SNX29: variants seen among roughly 807,000 people sequenced by gnomAD.
SNX29 encodes sorting nexin-29.
A neutral mutation model predicts 102.1 loss-of-function variants in SNX29; 78 were observed. That is an observed-to-expected ratio of 0.76 (90% CI 0.64 to 0.92). The LOEUF (loss-of-function observed/expected upper bound fraction) is 0.92. SNX29 is among the 40% of genes least tolerant of loss of function. The pLI is 0.00. For missense variants in SNX29, 1,280 were observed against 1,061.7 expected (o/e 1.21, Z -2.86); for synonymous variants, 580 against 414.5 (o/e 1.40, Z -4.85).
intron 15 of SNX29, 36 bp from the exon 16 acceptor site, chr16:12,356,127 G>C: frequency 2.5e-6 from 4 of 1,584,980 alleles, no homozygotes; most frequent in Non-Finnish European, 3.4e-6. Flanking sequence ...GGGAATGTCT[G>C]CCTCTAAGCC....
intron 13 of SNX29, among the ~76,000 whole-genome samples, chr16:12,142,822 A>C (rs2054913429): frequency 6.6e-6 from 1 of 151,802 alleles, no homozygotes; most frequent in Non-Finnish European, 1.5e-5. Context: ...CGGCCTCCCA[A>C]AGTGCTGGGA....
At chr16:12,051,440 A>G (rs1187675864) in intron 7 of SNX29, among the ~76,000 whole-genome samples, 1 of 152,082 alleles carries the variant, frequency 6.6e-6, no homozygotes, top group Non-Finnish European at 1.5e-5. Context: ...GCAAAGGGGC[A>G]TTGCACAGGA....
intron 2 of SNX29, 85 bp from the exon 3 acceptor site, chr16:12,002,905 AC>A: frequency 6.7e-7 from 1 of 1,494,882 alleles, no homozygotes; most frequent in Non-Finnish European, 9.3e-7. Context: ...CCCCTCCCTG[AC>A]CCTTAAGCCC....
intron 19 of SNX29, among the ~76,000 whole-genome samples, chr16:12,479,826 T>C (rs987068698): frequency 3.3e-5 from 5 of 152,172 alleles, no homozygotes; most frequent in African/African-American, 7.2e-5. Flanking sequence ...GGAATCTGCC[T>C]GTGTCTTGTG....
Position 12,539,124 on chromosome 16 carries a change from T to A in SNX29, c.2318+14283T>A, listed in dbSNP as rs1007601795. Among the ~76,000 whole-genome samples the A allele has an allele frequency of 4.6e-5, 7 of 151,754 alleles. No homozygotes were observed. In the East Asian group the frequency reaches 5.8e-4, roughly 13 times the overall value. On this transcript the variant is annotated intron_variant, in intron 20 of 20. Coordinates refer to ENST00000566228, the MANE Select transcript of SNX29 (RefSeq NM_032167.5). Reference sequence around the variant, plus strand: ...TACTTGCCTTTACTTTCACAAAAAATTTTTAATTTACACAGTGCAATTGAC... The same window carrying A: ...TACTTGCCTTTACTTTCACAAAAAAATTTTAATTTACACAGTGCAATTGAC...
intron 19 of SNX29, among the ~76,000 whole-genome samples, chr16:12,507,707 G>A (rs960176625): frequency 2.0e-5 from 3 of 152,120 alleles, no homozygotes; most frequent in Admixed American, 6.6e-5. Flanking sequence ...CTTCTTATGA[G>A]AAAACTCCAG....
At chr16:12,012,049 T>C (rs1190274696) in intron 3 of SNX29, among the ~76,000 whole-genome samples, 1 of 152,184 alleles carries the variant, frequency 6.6e-6, no homozygotes, top group Non-Finnish European at 1.5e-5. Context: ...TCAACAGGTA[T>C]TTATTTATAG....
chr16:12,415,878 G>A (rs2084615086), intron 18 of SNX29, among the ~76,000 whole-genome samples: 1 of 152,168 alleles, frequency 6.6e-6, no homozygotes, highest in Non-Finnish European at 1.5e-5. Flanking sequence ...GGAAAGGGAT[G>A]CCTCTTAAAC....
chr16:12,284,291 C>T (rs554654738), intron 15 of SNX29, among the ~76,000 whole-genome samples: 1 of 152,394 alleles, frequency 6.6e-6, no homozygotes, highest in South Asian at 2.1e-4. Flanking sequence ...CCTAACCTCT[C>T]TAAGCCTCAA....
intron 19 of SNX29, among the ~76,000 whole-genome samples, chr16:12,495,415 T>A (rs1397953302): frequency 6.6e-6 from 1 of 152,174 alleles, no homozygotes; most frequent in South Asian, 2.1e-4. Flanking sequence ...CCCCAAGTGC[T>A]GGGATTACAG....
intron 18 of SNX29, among the ~76,000 whole-genome samples, chr16:12,416,551 G>T (rs2084646308): frequency 6.6e-6 from 1 of 152,014 alleles, no homozygotes; most frequent in Non-Finnish European, 1.5e-5. Flanking sequence ...GTTTTGTGTG[G>T]CTGTGAAGGA....
chr16:12,064,233 C>T (rs1246624860), intron 9 of SNX29, among the ~76,000 whole-genome samples: 5 of 152,098 alleles, frequency 3.3e-5, no homozygotes, highest in Admixed American at 3.3e-4. Context: ...TGCCGCTTAG[C>T]TGGGCCTCCT....
intron 13 of SNX29, among the ~76,000 whole-genome samples, chr16:12,176,060 T>C (rs557118054): frequency 6.6e-6 from 1 of 152,090 alleles, no homozygotes; most frequent in South Asian, 2.1e-4. Flanking sequence ...GGGGACACAC[T>C]GGCAGAGAGA....
rs563854163 is a variant in SNX29, at chr16:12,228,845, C to T, written c.1678+29162C>T. Among the ~76,000 whole-genome samples the T allele has an allele frequency of 1.2e-3, 184 of 152,342 alleles. 1 individual carries two copies. Among genetic ancestry groups the T allele is most frequent in the Non-Finnish European group, 2.0e-3 (136 of 68,042 alleles). ...ACTTGATTTGCCTGAGGCCACATGG[C>T]GAGTCAAGAGCCAGAGGGACTTCAT... On this transcript the variant is annotated intron_variant, in intron 14 of 20. Transcript: ENST00000566228.
chr16:12,056,829 T>C (rs2050540633), intron 8 of SNX29, among the ~76,000 whole-genome samples: 1 of 152,148 alleles, frequency 6.6e-6, no homozygotes, highest in South Asian at 2.1e-4. Context: ...TTTTGTTTCT[T>C]TGTTTGTTTT....
chr16:12,533,021 C>T (rs2076973633), intron 20 of SNX29, among the ~76,000 whole-genome samples: 1 of 152,178 alleles, frequency 6.6e-6, no homozygotes, highest in Non-Finnish European at 1.5e-5. Flanking sequence ...GGGAGAGTGC[C>T]ACCAACAAGT....
chr16:12,559,396 C>T (rs2078581602), intron 20 of SNX29, among the ~76,000 whole-genome samples: 1 of 151,236 alleles, frequency 6.6e-6, no homozygotes. Context: ...TCCCATCGCC[C>T]CCTGAAGGGA....
At chr16:12,134,235 A>T (rs368111615) in intron 13 of SNX29, among the ~76,000 whole-genome samples, 3 of 152,342 alleles carry the variant, frequency 2.0e-5, no homozygotes, top group Admixed American at 2.0e-4. Flanking sequence ...TCATTTTCCA[A>T]TTCTTGTCAT....
At chr16:12,133,745 T>G (rs2054558236) in intron 13 of SNX29, among the ~76,000 whole-genome samples, 1 of 152,196 alleles carries the variant, frequency 6.6e-6, no homozygotes, top group African/African-American at 2.4e-5. Flanking sequence ...ATATAATAAT[T>G]ATGGCACCTT....
Sources: allele counts gnomAD v4.1 joint callset (sites outside exome capture counted in the v4.1 genomes callset), GRCh38; gene constraint gnomAD v4.1.1; transcripts MANE v1.5; gene names NCBI Gene and HGNC (gene_info 2026-07-23, HGNC 2026-07-21).